Variants in AOPEP observed in about 807,000 individuals in gnomAD.
AOPEP encodes aminopeptidase O (putative), also known as aminopeptidase O.
In AOPEP, 77 loss-of-function variants were observed where a neutral mutation model predicts 98.1. The observed-to-expected ratio is 0.78, with a 90% CI of 0.65 to 0.95. AOPEP has a LOEUF of 0.95. AOPEP is among the 40% of genes least tolerant of loss of function. The probability of loss-of-function intolerance (pLI) is 0.00; values close to 1 mark genes in which losing one functional copy is unlikely to be tolerated. For synonymous variants in AOPEP, 346 were observed against 365.3 expected (o/e 0.95, Z 0.60); for missense variants, 1,024 against 1,024.7 (o/e 1.00, Z 0.01).
At chr9:95,008,129 T>C (rs984143166) in intron 13 of AOPEP, among the ~76,000 whole-genome samples, 1 of 152,236 alleles carries the variant, frequency 6.6e-6, no homozygotes, top group Non-Finnish European at 1.5e-5. Context: ...TAGATGCCGC[T>C]TTGAAATGTA....
intron 5 of AOPEP, among the ~76,000 whole-genome samples, chr9:94,823,739 G>A (rs992170842): frequency 7.2e-5 from 11 of 152,160 alleles, no homozygotes; most frequent in Non-Finnish European, 1.3e-4. Flanking sequence ...TGGAGAATTC[G>A]TCAGAGTTTT....
chr9:95,018,726 G>C (rs1275398908), intron 13 of AOPEP, among the ~76,000 whole-genome samples: 1 of 152,200 alleles, frequency 6.6e-6, no homozygotes, highest in African/African-American at 2.4e-5. Flanking sequence ...TCTGCCTCTT[G>C]GCTGCAGCAC....
At chr9:94,891,418 G>T (rs1420812555) in intron 5 of AOPEP, among the ~76,000 whole-genome samples, 1 of 152,102 alleles carries the variant, frequency 6.6e-6, no homozygotes. Flanking sequence ...ATTATGATAT[G>T]CTAGGGCTTA....
At chr9:94,940,432 C>G (rs1383375346) in intron 7 of AOPEP, among the ~76,000 whole-genome samples, 1 of 151,860 alleles carries the variant, frequency 6.6e-6, no homozygotes, top group Non-Finnish European at 1.5e-5. Context: ...ATGGTGAAAC[C>G]CCATCTCCAC....
intron 1 of AOPEP, among the ~76,000 whole-genome samples, chr9:94,740,792 A>C (rs1490870917): frequency 6.6e-6 from 1 of 152,210 alleles, no homozygotes; most frequent in African/African-American, 2.4e-5. Flanking sequence ...CAAACTGTGT[A>C]ACCTTAAGCA....
chr9:95,072,196 C>T (rs879275897), intron 14 of AOPEP, among the ~76,000 whole-genome samples: 2 of 152,224 alleles, frequency 1.3e-5, no homozygotes, highest in Non-Finnish European at 2.9e-5. Flanking sequence ...TTGTAAATAA[C>T]GTTTTATCCA....
At chr9:95,087,482 CAAAAAAAA>C (rs746666179), downstream of AOPEP, among the ~76,000 whole-genome samples, 2 of 37,434 alleles carry the variant, frequency 5.3e-5, no homozygotes, top group African/African-American at 1.1e-4. Context: ...GACTCCATCT[CAAAAAAAA>C]AAAAAAAAAA....
chr9:94,955,232 C>A lies in AOPEP; in HGVS notation c.1717C>A (p.His573Asn), dbSNP rs146266999. The A allele has an allele frequency of 9.3e-6, 15 of 1,613,664 alleles. No homozygotes were observed. The highest frequency in any genetic ancestry group is 1.3e-5 in the Non-Finnish European group (15 of 1,179,922). ...TGACTCGGGAGCATCTGTTATCAAG[C>A]ATGGACTTAATCCGGAGAAGATCTT... ...TSDSGASVIKHGLNPEKIFMQ... is the reference protein window; with the variant it reads ...TSDSGASVIKNGLNPEKIFMQ... Residue 573 changes from histidine (H) to asparagine (N), a missense_variant, in exon 8 of 17, where the codon CAT becomes AAT. Transcript: ENST00000375315.
chr9:94,746,419 C>T (rs1232953370), intron 1 of AOPEP, among the ~76,000 whole-genome samples: 1 of 152,096 alleles, frequency 6.6e-6, no homozygotes, highest in Non-Finnish European at 1.5e-5. Context: ...TGTCAGTCCC[C>T]TAGGCAGGTA....
intron 9 of AOPEP, among the ~76,000 whole-genome samples, chr9:94,956,932 A>G (rs892756748): frequency 4.6e-5 from 7 of 152,166 alleles, no homozygotes; most frequent in South Asian, 2.1e-4. Context: ...CTGTTCCTCT[A>G]TGTTCTTTTT....
chr9:94,758,176 TG>T (rs1361128255), intron 1 of AOPEP, among the ~76,000 whole-genome samples: 1 of 151,932 alleles, frequency 6.6e-6, no homozygotes, highest in Non-Finnish European at 1.5e-5. Flanking sequence ...CAGGTGGAGG[TG>T]GAAGGCAGGA....
chr9:94,807,564 C>G (rs942407025), intron 5 of AOPEP, among the ~76,000 whole-genome samples: 1 of 152,154 alleles, frequency 6.6e-6, no homozygotes, highest in African/African-American at 2.4e-5. Context: ...GCCATTTTTT[C>G]CATTGCAAAG....
At chr9:95,001,723 T>C (rs576814257) in intron 11 of AOPEP, among the ~76,000 whole-genome samples, 10 of 152,370 alleles carry the variant, frequency 6.6e-5, no homozygotes, top group African/African-American at 2.4e-4. Flanking sequence ...GTGATTCATA[T>C]GTGACAGAAT....
chr9:94,803,160 A>G (rs1848547909), intron 5 of AOPEP, among the ~76,000 whole-genome samples: 1 of 152,186 alleles, frequency 6.6e-6, no homozygotes, highest in Admixed American at 6.5e-5. Context: ...AGACCTCCAT[A>G]CTGAAACCTG....
chr9:95,063,758 G>C (rs1192167954), intron 14 of AOPEP, among the ~76,000 whole-genome samples: 1 of 152,188 alleles, frequency 6.6e-6, no homozygotes, highest in Non-Finnish European at 1.5e-5. Context: ...GAGCAAGAAA[G>C]TGTGGGTATC....
At chr9:94,982,825 A>G (rs546187357) in intron 11 of AOPEP, among the ~76,000 whole-genome samples, 7 of 152,294 alleles carry the variant, frequency 4.6e-5, no homozygotes, top group East Asian at 3.9e-4. Flanking sequence ...CAGCTCTATA[A>G]ATAGATTTTG....
intron 1 of AOPEP, among the ~76,000 whole-genome samples, chr9:94,728,249 A>G (rs995688986): frequency 6.8e-5 from 10 of 147,208 alleles, no homozygotes; most frequent in East Asian, 4.0e-4. Flanking sequence ...GCACACACAC[A>G]CACACACACA....
At chr9:94,873,811 A>G (rs1355733764) in intron 5 of AOPEP, among the ~76,000 whole-genome samples, 1 of 152,184 alleles carries the variant, frequency 6.6e-6, no homozygotes, top group Non-Finnish European at 1.5e-5. Flanking sequence ...TCAAGATGCT[A>G]TACAAATTTT....
chr9:94,812,250 C>T (rs1177676698), intron 5 of AOPEP, among the ~76,000 whole-genome samples: 1 of 152,148 alleles, frequency 6.6e-6, no homozygotes, highest in Non-Finnish European at 1.5e-5. Flanking sequence ...GGTAACACCA[C>T]CAGCAATGTG....
Sources: gnomAD v4.1 joint callset for allele counts (sites outside exome capture counted in the v4.1 genomes callset) on GRCh38, gnomAD v4.1.1 for gene constraint, MANE v1.5 for transcripts, NCBI Gene and HGNC (gene_info 2026-07-23, HGNC 2026-07-21) for gene names.